The following THSD4 variants were observed in gnomAD, a reference collection of about 807,000 sequenced individuals.
THSD4 encodes thrombospondin type 1 domain containing 4, also known as thrombospondin type-1 domain-containing protein 4.
THSD4 carries 69 observed loss-of-function variants against 119.0 expected under a neutral mutation model. The ratio of observed to expected loss-of-function variants is 0.58; its 90% CI spans 0.48 to 0.71. THSD4 has a LOEUF of 0.71. THSD4 is among the 30% of genes least tolerant of loss of function. The pLI is 0.00. For missense variants in THSD4, 1,393 were observed against 1,391.1 expected (o/e 1.00, Z -0.02); for synonymous variants, 524 against 540.4 (o/e 0.97, Z 0.42).
At chr15:71,664,001 G>A (rs954787630) in intron 8 of THSD4, among the ~76,000 whole-genome samples, 2 of 145,588 alleles carry the variant, frequency 1.4e-5, no homozygotes, top group Non-Finnish European at 3.0e-5. Context: ...TTTTTTTTCC[G>A]AGACAGAGTC....
intron 3 of THSD4, chr15:71,165,193 C>T: frequency 1.3e-6 from 2 of 1,574,022 alleles, no homozygotes; most frequent in Admixed American, 1.7e-5. Flanking sequence ...TGTAGGTTTT[C>T]ATTTCTCTTT....
At chr15:71,112,183 A>T, upstream of THSD4, 1 of 1,613,818 alleles carries the variant, frequency 6.2e-7, no homozygotes, top group South Asian at 1.1e-5. Flanking sequence ...TGGGAACCAC[A>T]GGAGAAATGG....
At chr15:71,437,030 C>T (rs1388202524) in intron 7 of THSD4, among the ~76,000 whole-genome samples, 3 of 152,170 alleles carry the variant, frequency 2.0e-5, no homozygotes, top group Non-Finnish European at 4.4e-5. Flanking sequence ...TTATTTGGCT[C>T]ATGGTTCTGC....
chr15:71,171,222 A>C, intron 3 of THSD4, among the ~76,000 whole-genome samples: 1 of 152,142 alleles, frequency 6.6e-6, no homozygotes, highest in East Asian at 1.9e-4. Flanking sequence ...AAAAAATGGC[A>C]TCAAGTCACA....
At chr15:71,311,128 T>G (rs1377220190) in intron 6 of THSD4, among the ~76,000 whole-genome samples, 1 of 152,130 alleles carries the variant, frequency 6.6e-6, no homozygotes, top group African/African-American at 2.4e-5. Flanking sequence ...TGGTCCTAAT[T>G]TTAACATTCC....
At chr15:71,328,573 C>T (rs976737574) in intron 6 of THSD4, among the ~76,000 whole-genome samples, 1 of 152,296 alleles carries the variant, frequency 6.6e-6, no homozygotes, top group East Asian at 1.9e-4. Context: ...TGATAATGCC[C>T]CCCTCTCCAG....
upstream of THSD4, among the ~76,000 whole-genome samples, chr15:71,114,542 C>T (rs886508702): frequency 3.3e-5 from 5 of 152,126 alleles, no homozygotes; most frequent in African/African-American, 1.2e-4. Flanking sequence ...TCCTGCCTTC[C>T]CAGCTCTGAA....
intron 3 of THSD4, among the ~76,000 whole-genome samples, chr15:71,190,067 A>T (rs2043656824): frequency 6.6e-6 from 1 of 152,142 alleles, no homozygotes; most frequent in Admixed American, 6.5e-5. Context: ...GCTACATATG[A>T]GCCATCCCCC....
In THSD4 at chr15:71,700,793, G is replaced by A. The variant is rs8032147; in HGVS notation, c.1358-27756G>A. On this transcript the variant is annotated intron_variant, in intron 8 of 17. Transcript: ENST00000261862. ...ATGATAAAAGCACATTTAAATAATT[G>A]AGGAAACAACTCAATAATCAGCATT... Among the ~76,000 whole-genome samples, 1,364 of 152,028 alleles carry A rather than the reference G, an allele frequency of 9.0e-3. 18 individuals carry two copies. The highest frequency in any genetic ancestry group is 0.031 in the African/African-American group (1,288 of 41,490).
chr15:71,341,440 C>T, intron 6 of THSD4: 1 of 1,613,106 alleles, frequency 6.2e-7, no homozygotes, highest in African/African-American at 1.3e-5. Flanking sequence ...GCATGTGCAG[C>T]AAGAATTCAG....
chr15:71,572,121 T>C (rs1246023316), intron 7 of THSD4, among the ~76,000 whole-genome samples: 1 of 152,190 alleles, frequency 6.6e-6, no homozygotes, highest in South Asian at 2.1e-4. Context: ...CTATTTATAA[T>C]AAAATAAAAT....
Position 71,763,554 on chromosome 15 carries a change from A to ATTTTTT in THSD4, c.2590-1458_2590-1453dup, listed in dbSNP as rs10647138. 3.4e-3 allele frequency among the ~76,000 whole-genome samples: 489 copies of ATTTTTT among 145,026 alleles called. 5 individuals are homozygous for ATTTTTT. The highest frequency in any genetic ancestry group is 0.012 in the African/African-American group (469 of 38,632). On this transcript the variant is annotated intron_variant, in intron 15 of 17. Transcript: ENST00000261862. Reference sequence around the variant, plus strand: ...AATGAGACCCTGTCTCTAAAAACAAATTTTTTTTTTTTTAAACAGAGTCTT... The same window carrying ATTTTTT: ...AATGAGACCCTGTCTCTAAAAACAAATTTTTTTTTTTTTTTTTTTAAACAGAGTCTT...
chr15:71,396,302 A>G lies in THSD4; in HGVS notation c.1016-15385A>G, dbSNP rs191112914. 1.1e-3 allele frequency among the ~76,000 whole-genome samples: 172 copies of G among 151,584 alleles called. 1 individual carries two copies. The highest frequency in any genetic ancestry group is 1.2e-3 in the Non-Finnish European group (78 of 67,780). The stretch of plus-strand genomic sequence containing the variant: ...AAAACATGTACATGCGTACATATGC[A>G]CACACACACACACATACCTATACGT... On this transcript the variant is annotated intron_variant, in intron 6 of 17. Transcript: ENST00000261862.
intron 3 of THSD4, among the ~76,000 whole-genome samples, chr15:71,182,653 T>A (rs2043544406): frequency 6.6e-6 from 1 of 151,860 alleles, no homozygotes; most frequent in Admixed American, 6.6e-5. Context: ...GAATAACTTA[T>A]CACTTAGGCC....
intron 7 of THSD4, among the ~76,000 whole-genome samples, chr15:71,618,638 A>G (rs890325469): frequency 6.6e-5 from 10 of 152,212 alleles, no homozygotes; most frequent in Admixed American, 5.9e-4. Context: ...CAGTGGCACA[A>G]TCACGGCTTA....
At chr15:71,764,422 G>T (rs1026440006) in intron 15 of THSD4, among the ~76,000 whole-genome samples, 4 of 152,222 alleles carry the variant, frequency 2.6e-5, no homozygotes, top group African/African-American at 9.6e-5. Context: ...ACTACCCCAT[G>T]GTGCAGATTT....
At chr15:71,500,412 C>T (rs1487902137) in intron 7 of THSD4, among the ~76,000 whole-genome samples, 1 of 152,104 alleles carries the variant, frequency 6.6e-6, no homozygotes, top group Non-Finnish European at 1.5e-5. Context: ...AATATTTTCC[C>T]CCATTCCATA....
At chr15:71,752,819 A>G (rs2053472636) in intron 14 of THSD4, among the ~76,000 whole-genome samples, 2 of 152,214 alleles carry the variant, frequency 1.3e-5, no homozygotes, top group Non-Finnish European at 2.9e-5. Context: ...CCTTTGGGCC[A>G]CCAGTTGGTC....
intron 4 of THSD4, among the ~76,000 whole-genome samples, chr15:71,232,572 AGTAGGTAGG>A (rs1179327217): frequency 2.6e-5 from 4 of 151,842 alleles, no homozygotes; most frequent in African/African-American, 9.7e-5. Context: ...GAAGTACAGA[AGTAGGTAGG>A]GTAGGGTTCC....
Sources: allele counts gnomAD v4.1 joint callset (sites outside exome capture counted in the v4.1 genomes callset), GRCh38; gene constraint gnomAD v4.1.1; transcripts MANE v1.5; gene names NCBI Gene and HGNC (gene_info 2026-07-23, HGNC 2026-07-21).